The following TM4SF1 variants were observed in gnomAD, a reference collection of about 807,000 sequenced individuals.
The protein encoded by TM4SF1 is transmembrane 4 L6 family member 1.
Under a neutral mutation model 24.5 loss-of-function variants are expected in TM4SF1, and 20 were observed. That is an observed-to-expected ratio of 0.82 (90% CI 0.57 to 1.19). The LOEUF (loss-of-function observed/expected upper bound fraction) is 1.19. TM4SF1 is among the 50% of genes most tolerant of loss of function. The pLI, the probability that TM4SF1 is intolerant of heterozygous loss-of-function variation, is 0.00. For missense variants in TM4SF1, 258 were observed against 248.1 expected, an observed-to-expected ratio of 1.04 and a Z score of -0.27; for synonymous variants, 107 against 95.4, an observed-to-expected ratio of 1.12 and a Z score of -0.71.
At chr3:149,372,722 CA>C (rs1731856991) in intron 3 of TM4SF1, among the ~76,000 whole-genome samples, 1 of 152,192 alleles carries the variant, frequency 6.6e-6, no homozygotes, top group African/African-American at 2.4e-5. Flanking sequence ...GTCCCAGGTT[CA>C]AGCCATTCTC....
Position 149,369,722 on chromosome 3 carries a change from G to A in TM4SF1, c.*144C>T. The A allele has an allele frequency of 2.2e-6, 2 of 914,114 alleles. No homozygotes were observed. Among genetic ancestry groups the A allele is most frequent in the Middle Eastern group, 2.3e-4 (1 of 4,418 alleles). 56.6% of individuals were successfully genotyped at this position (914,114 alleles called of 1,614,324 possible). ...AATTTAAACACTGACATCCTGTGAAGATGCCAGTCTTTACAGGCGTTTGTA... is the reference window on the plus strand; with the variant it reads ...AATTTAAACACTGACATCCTGTGAAAATGCCAGTCTTTACAGGCGTTTGTA... On this transcript the variant is annotated 3_prime_UTR_variant, in exon 5 of 5. Transcript: ENST00000305366.
Position 149,369,783 on chromosome 3 carries a change from A to G in TM4SF1, c.*83T>C. On this transcript the variant is annotated 3_prime_UTR_variant, in exon 5 of 5. Transcript: ENST00000305366. ...GTGGGGAGTATGTTACACTAATACA[A>G]AGTTTTACAAATGAATACAAGTGAA... 4 of 1,580,142 alleles carry G rather than the reference A, an allele frequency of 2.5e-6. No individual in the cohort carries two copies. Among genetic ancestry groups the G allele is most frequent in the Non-Finnish European group, 3.5e-6 (4 of 1,156,256 alleles).
At position 149,375,743 on chromosome 3, in the gene TM4SF1, A is replaced by G. The variant is rs1327170973; in HGVS notation, c.204T>C (p.Ile68=). ...CACAGCAGTCATCCTGTTCCAGCCC[A>G]ATGAAGACAAATGCTGGCAGGAGCA... The part of the protein sequence containing the change: ...LLMLLPAFVF[I]GLEQDDCCGC... The change falls in exon 2 of 5, where the codon ATT becomes ATC. Residue 68 remains isoleucine (I), a synonymous_variant. Coordinates refer to ENST00000305366, the MANE Select transcript of TM4SF1 (RefSeq NM_014220.3). The G allele has an allele frequency of 1.2e-6, 2 of 1,614,108 alleles. No homozygotes were observed. Among genetic ancestry groups the G allele is most frequent in the East Asian group, 2.2e-5 (1 of 44,898 alleles).
chr3:149,373,218 A>G (rs1731871799), intron 3 of TM4SF1, among the ~76,000 whole-genome samples: 1 of 152,240 alleles, frequency 6.6e-6, no homozygotes, highest in African/African-American at 2.4e-5. Context: ...ATGATAAATA[A>G]CAATATGAAG....
chr3:149,372,498 T>C (rs375010703), intron 3 of TM4SF1, among the ~76,000 whole-genome samples: 34 of 152,314 alleles, frequency 2.2e-4, no homozygotes, highest in African/African-American at 7.7e-4. Flanking sequence ...TCTGGCAAGT[T>C]TGGATATTTA....
At position 149,377,638 on chromosome 3, in the gene TM4SF1, G is replaced by A; in HGVS notation, c.-91C>T. Reference sequence around the variant, plus strand: ...AAAGTGTGCCCTTCTGGTGGAGAAAGCAAACACCACTCTCAGCCCATTCCT... The same window carrying A: ...AAAGTGTGCCCTTCTGGTGGAGAAAACAAACACCACTCTCAGCCCATTCCT... On this transcript the variant is annotated 5_prime_UTR_variant, in exon 1 of 5. Transcript: ENST00000305366. 2.6e-6 allele frequency: 4 copies of A among 1,521,724 alleles called. No individual in the cohort carries two copies. The highest frequency in any genetic ancestry group is 2.6e-6 in the Non-Finnish European group (3 of 1,135,940). 94.3% of individuals were successfully genotyped at this position (1,521,724 alleles called of 1,614,324 possible). A position where few individuals can be genotyped will look rare whatever the true frequency, so the allele number is the denominator to read the frequency against.
intron 3 of TM4SF1, 130 bp downstream of exon 3, chr3:149,375,313 T>G: frequency 8.6e-7 from 1 of 1,164,356 alleles, no homozygotes; most frequent in Non-Finnish European, 1.2e-6. Flanking sequence ...CATGCCTGAG[T>G]CAGTGAGAAT....
chr3:149,371,343 G>T, intron 4 of TM4SF1: 1 of 490,742 alleles, frequency 2.0e-6, no homozygotes, highest in Non-Finnish European at 3.6e-6. Context: ...TACTAGTTGG[G>T]AATATAACAG....
intron 1 of TM4SF1, among the ~76,000 whole-genome samples, chr3:149,376,577 G>T (rs1375576232): frequency 6.6e-6 from 1 of 152,152 alleles, no homozygotes; most frequent in African/African-American, 2.4e-5. Flanking sequence ...CATAATCAGT[G>T]TATTAGGTTT....
rs1410848166 is a variant in TM4SF1, at chr3:149,371,697, G to C, written c.584C>G (p.Ser195Cys). Residue 195 changes from serine (S) to cysteine (C), a missense_variant, in exon 4 of 5, where the codon TCT becomes TGT. Ser to Cys is a moderately radical substitution (Grantham distance 112, BLOSUM62 -1). Transcript: ENST00000305366. ...VLGGICGFCC[S>C]HQQQYDC ...CATGCAGGTTCTTACCTGTTGGTGA[G>C]AGCAGCAAAAGCCACATATGCCTCC... 3 of 1,614,016 alleles carry C rather than the reference G, an allele frequency of 1.9e-6. No homozygotes were observed. The highest frequency in any genetic ancestry group is 2.5e-6 in the Non-Finnish European group (3 of 1,180,030).
At chr3:149,376,720 G>A (rs1731963157) in intron 1 of TM4SF1, among the ~76,000 whole-genome samples, 1 of 152,114 alleles carries the variant, frequency 6.6e-6, no homozygotes, top group African/African-American at 2.4e-5. Flanking sequence ...TTCTTTCCAT[G>A]CTGTGGTTGA....
At chr3:149,370,747 G>A (rs1731802367) in intron 4 of TM4SF1, 1 of 152,090 alleles carries the variant, frequency 6.6e-6, no homozygotes, top group African/African-American at 2.4e-5. Context: ...ATTACAGAAA[G>A]TTTCCTTTTA....
intron 3 of TM4SF1, 118 bp downstream of exon 3, chr3:149,375,325 A>C (rs924070441): frequency 9.8e-6 from 13 of 1,323,654 alleles, no homozygotes; most frequent in Non-Finnish European, 1.4e-5. Context: ...AGTGAGAATA[A>C]ACACTGGCTA....
intron 3 of TM4SF1, among the ~76,000 whole-genome samples, chr3:149,372,666 C>T (rs951390465): frequency 5.3e-5 from 8 of 152,268 alleles, no homozygotes; most frequent in African/African-American, 1.9e-4. Context: ...CTCTGTTGCC[C>T]AGGCTGGAGT....
chr3:149,371,924 A>G (rs948654906), intron 3 of TM4SF1, 57 bp from the exon 4 acceptor site: 48 of 1,534,846 alleles, frequency 3.1e-5, no homozygotes, highest in Non-Finnish European at 4.1e-5. Context: ...GATACTTCAT[A>G]AACTACTTTT....
At chr3:149,375,898 T>C in intron 1 of TM4SF1, 129 bp from the exon 2 acceptor site, 1 of 794,668 alleles carries the variant, frequency 1.3e-6, no homozygotes, top group Non-Finnish European at 2.1e-6. Context: ...TGACCAGATA[T>C]CTCAAAGAAT....
intron 3 of TM4SF1, among the ~76,000 whole-genome samples, chr3:149,373,302 T>C (rs1004668401): frequency 2.0e-5 from 3 of 152,236 alleles, no homozygotes; most frequent in Admixed American, 2.0e-4. Context: ...GTCGATTTTA[T>C]AAATACCTGG....
chr3:149,375,966 A>C (rs1169425820), intron 1 of TM4SF1, among the ~76,000 whole-genome samples, 197 bp from the exon 2 acceptor site: 1 of 152,224 alleles, frequency 6.6e-6, no homozygotes, highest in Non-Finnish European at 1.5e-5. Context: ...TTTTCATGTA[A>C]TCTGTCAAAG....
chr3:149,371,771 A>G lies in TM4SF1; in HGVS notation c.510T>C (p.Gly170=). 2.5e-6 allele frequency: 4 copies of G among 1,614,198 alleles called. No individual in the cohort carries two copies. Among genetic ancestry groups the G allele is most frequent in the Non-Finnish European group, 3.4e-6 (4 of 1,180,024 alleles). ...VSLFSILLAL[G]GIEFILCLIQ... ...TAAGACACAAGATGAATTCAATTCC[A>G]CCAAGAGCCAAGAGGATAGAAAACA... Residue 170 remains glycine, a synonymous_variant, in exon 4 of 5, where the codon GGT becomes GGC. Coordinates refer to ENST00000305366, the MANE Select transcript of TM4SF1 (RefSeq NM_014220.3).
Sources: gnomAD v4.1 joint callset for allele counts (sites outside exome capture counted in the v4.1 genomes callset) on GRCh38, gnomAD v4.1.1 for gene constraint, MANE v1.5 for transcripts, NCBI Gene and HGNC (gene_info 2026-07-23, HGNC 2026-07-21) for gene names.